The following DPF1 variants were observed in gnomAD, a reference collection of about 807,000 sequenced individuals.
The protein encoded by DPF1 is zinc finger protein neuro-d4.
A neutral mutation model predicts 58.7 loss-of-function variants in DPF1; 14 were observed. That is an observed-to-expected ratio of 0.24 (90% confidence interval 0.16 to 0.37). The LOEUF (loss-of-function observed/expected upper bound fraction) is 0.37. DPF1 is among the 10% of genes least tolerant of loss of function. The pLI is 1.00. For missense variants in DPF1, 345 were observed against 529.9 expected (o/e 0.65, Z 3.43); for synonymous variants, 216 against 216.0 (o/e 1.00, Z 0.00).
At chr19:38,215,054 T>C (rs111227517) in intron 9 of DPF1, among the ~76,000 whole-genome samples, 30,026 of 150,836 alleles carry the variant, frequency 0.2, 3,165 homozygotes, top group African/African-American at 0.27. Flanking sequence ...AGGATGGTCT[T>C]GATCTCTTGA....
At chr19:38,212,541 T>A in intron 10 of DPF1, 180 bp from the exon 11 acceptor site, 1 of 489,992 alleles carries the variant, frequency 2.0e-6, no homozygotes, top group Non-Finnish European at 3.6e-6. Context: ...CAAACACATA[T>A]CCCTCAGGAC....
At chr19:38,225,794 CAGG>C (rs1412163707), upstream of DPF1, among the ~76,000 whole-genome samples, 3 of 148,554 alleles carry the variant, frequency 2.0e-5, no homozygotes, top group Non-Finnish European at 4.4e-5. Context: ...GAGGCTGAGT[CAGG>C]AGGATTGGTT....
chr19:38,213,271 C>T (rs1434634172), intron 10 of DPF1, among the ~76,000 whole-genome samples: 1 of 152,100 alleles, frequency 6.6e-6, no homozygotes, highest in Non-Finnish European at 1.5e-5. Context: ...CACCGCGCTC[C>T]GCCTGTGGAA....
At position 38,222,774 on chromosome 19, in the gene DPF1, C is replaced by T. The variant is rs1022866623; in HGVS notation, c.30-66G>A. 2.8e-5 allele frequency: 40 copies of T among 1,442,860 alleles called. No individual in the cohort carries two copies. In the Admixed American group the frequency reaches 1.1e-3, roughly 38 times the overall value. The allele number at this position is 1,442,860 out of a possible 1,614,324, so 89.4% of individuals were successfully genotyped here. On this transcript the variant is annotated intron_variant, in intron 1 of 11. Coordinates refer to ENST00000355526, the MANE Select transcript of DPF1 (RefSeq NM_001135155.3). This position sits in a 1 kb window ranked among gnomAD's most constrained non-coding sequence, Gnocchi z 4.9. ...CAGGCGCACAGGGTCGCCCAGCACCCCTTCCCCGGCTGCCGGGCCGCCCAG... is the reference window on the plus strand; with the variant it reads ...CAGGCGCACAGGGTCGCCCAGCACCTCTTCCCCGGCTGCCGGGCCGCCCAG...
At chr19:38,228,320 C>A (rs1967910387), upstream of DPF1, among the ~76,000 whole-genome samples, 1 of 147,416 alleles carries the variant, frequency 6.8e-6, no homozygotes, top group African/African-American at 2.5e-5. Context: ...AAGCAACTGG[C>A]GGCCTCTGGT....
chr19:38,213,909 A>C, intron 9 of DPF1, 153 bp from the exon 10 acceptor site: 1 of 616,538 alleles, frequency 1.6e-6, no homozygotes, highest in Non-Finnish European at 2.8e-6. Flanking sequence ...CCTGCCCAGC[A>C]ACCACGTGGC....
Position 38,212,989 on chromosome 19 carries a change from G to T in DPF1, c.1012-628C>A, listed in dbSNP as rs1392188425. 5.5e-4 allele frequency among the ~76,000 whole-genome samples: 74 copies of T among 133,444 alleles called. No homozygotes were observed. In the South Asian group the frequency reaches 7.3e-3, roughly 13 times the overall value. The allele number at this position is 133,444 out of a possible 152,430, so 87.5% of individuals were successfully genotyped here. The stretch of plus-strand genomic sequence containing the variant: ...ACGGTCATGGCTTTTGTTTTTGTTT[G>T]TTTTTTTTTTTTTTGAGACGGAATC... On this transcript the variant is annotated intron_variant, in intron 10 of 11. Coordinates refer to ENST00000355526, the MANE Select transcript of DPF1 (RefSeq NM_001135155.3).
At chr19:38,212,237 T>TGGGGGGGGGGCCC in intron 11 of DPF1, 43 bp downstream of exon 11, 2 of 1,256,810 alleles carry the variant, frequency 1.6e-6, no homozygotes, top group Non-Finnish European at 2.2e-6. Context: ...GGAGATGGCG[T>TGGGGGGGGGGCCC]TCCCACCCAC....
At chr19:38,220,294 GAGAGAAAGAA>G (rs951030577) in intron 3 of DPF1, among the ~76,000 whole-genome samples, 1 of 146,762 alleles carries the variant, frequency 6.8e-6, no homozygotes, top group Non-Finnish European at 1.5e-5. Context: ...AAAAGAGAGA[GAGAGAAAGAA>G]AGAGAAAGAA....
Position 38,222,509 on chromosome 19 carries a change from T to C in DPF1, c.190+39A>G, listed in dbSNP as rs777485779. On this transcript the variant is annotated intron_variant, in intron 2 of 11. Coordinates refer to ENST00000355526, the MANE Select transcript of DPF1 (RefSeq NM_001135155.3). The surrounding 1 kb of genome is among the most constrained non-coding windows in gnomAD (Gnocchi z 4.9). ...AGAGGGCGGCGGCGGTGGGGCGGCC[T>C]GGCCCCGCCCCGCCCTGCGCCAGCC... 15 of 1,596,652 alleles carry C rather than the reference T, an allele frequency of 9.4e-6. No individual in the cohort carries two copies. The East Asian group carries it at 2.3e-4, about 24-fold the overall frequency.
At chr19:38,221,147 C>T (rs887685896) in intron 3 of DPF1, among the ~76,000 whole-genome samples, 4 of 152,178 alleles carry the variant, frequency 2.6e-5, no homozygotes, top group Non-Finnish European at 4.4e-5. Context: ...TGGGAAGATA[C>T]ACCTAAGAGA....
intron 3 of DPF1, chr19:38,219,378 A>C: frequency 8.7e-6 from 3 of 346,360 alleles, no homozygotes; most frequent in Non-Finnish European, 1.6e-5. Flanking sequence ...CCAGACAAAT[A>C]TGGACAGATC....
rs957314476 is a variant in DPF1 at position 38,224,047 on chromosome 19, CCACA to C, written c.29+63_29+66del. On this transcript the variant is annotated intron_variant, in intron 1 of 11. Transcript: ENST00000355526. This position sits in a 1 kb window ranked among gnomAD's most constrained non-coding sequence, Gnocchi z 4.5. ...ACCCCTTCGGCCCCACCCCCGGTCG[CCACA>C]CACACACAGGCCCGCGTAGACCCGC... is the stretch of plus-strand genomic sequence containing the variant. 2.8e-6 allele frequency: 4 copies of C among 1,446,538 alleles called. No homozygotes were observed. The highest frequency in any genetic ancestry group is 3.0e-5 in the African/African-American group (2 of 66,866). 89.6% of individuals were successfully genotyped at this position (1,446,538 alleles called of 1,614,324 possible). A position where few individuals can be genotyped will look rare whatever the true frequency, so the allele number is the denominator to read the frequency against.
In DPF1 at chr19:38,224,134, A is replaced by G; in HGVS notation, c.9T>C (p.Thr3=). 4 of 1,483,948 alleles carry G rather than the reference A, an allele frequency of 2.7e-6. No homozygotes were observed. Among genetic ancestry groups the G allele is most frequent in the Non-Finnish European group, 3.5e-6 (4 of 1,127,112 alleles). 91.9% of individuals were successfully genotyped at this position (1,483,948 alleles called of 1,614,324 possible). A position where few individuals can be genotyped will look rare whatever the true frequency, so the allele number is the denominator to read the frequency against. Reference sequence around the variant, plus strand: ...ACCACCTCAGGGGGCCAGGGATGACAGTGGCCATCTTGCTCCCCGGGTCCT... The same window carrying G: ...ACCACCTCAGGGGGCCAGGGATGACGGTGGCCATCTTGCTCCCCGGGTCCT... MA[T]VIPGPLSLGE... Residue 3 remains threonine, a synonymous_variant, in exon 1 of 12, where the codon ACT becomes ACC. Transcript: ENST00000355526. This position sits in a 1 kb window ranked among gnomAD's most constrained non-coding sequence, Gnocchi z 4.5.
intron 3 of DPF1, among the ~76,000 whole-genome samples, chr19:38,220,681 C>T (rs1245241982): frequency 6.6e-6 from 1 of 151,960 alleles, no homozygotes; most frequent in Non-Finnish European, 1.5e-5. Flanking sequence ...CCTCCAGATA[C>T]ACCTAGACCC....
intron 9 of DPF1, among the ~76,000 whole-genome samples, chr19:38,214,333 C>T (rs984268388): frequency 1.3e-5 from 2 of 152,220 alleles, no homozygotes; most frequent in Non-Finnish European, 2.9e-5. Flanking sequence ...GCAGAGACAC[C>T]CGCAGCCGCT....
chr19:38,228,268 T>C (rs1781362799), upstream of DPF1, among the ~76,000 whole-genome samples: 1 of 147,710 alleles, frequency 6.8e-6, no homozygotes, highest in Admixed American at 6.7e-5. Flanking sequence ...CTCTCCCAAC[T>C]CCCACCCTCC....
rs1967949767 is a variant in DPF1 at position 38,229,248 on chromosome 19, A to G, written c.-132+311T>C. The stretch of plus-strand genomic sequence containing the variant: ...CCGGCACCTCCGGAGACCCTGAGGG[A>G]GAGATGGAGGAGAGGGAAACCCCTA... On this transcript the variant is annotated intron_variant, in intron 1 of 11. Coordinates refer to the DPF1 transcript ENST00000412732. The surrounding 1 kb of genome is among the most constrained non-coding windows in gnomAD (Gnocchi z 5.3). Among the ~76,000 whole-genome samples the G allele has an allele frequency of 6.6e-6, 1 of 151,830 alleles. No individual in the cohort carries two copies. Among genetic ancestry groups the G allele is most frequent in the Admixed American group, 6.5e-5 (1 of 15,274 alleles).
chr19:38,220,349 C>A (rs1197900886), intron 3 of DPF1, among the ~76,000 whole-genome samples: 1 of 151,702 alleles, frequency 6.6e-6, no homozygotes, highest in East Asian at 1.9e-4. Context: ...AGGCCGGGTG[C>A]GGTGGCTCAC....
Sources: allele counts gnomAD v4.1 joint callset (sites outside exome capture counted in the v4.1 genomes callset), GRCh38; gene constraint gnomAD v4.1.1; non-coding constraint Gnocchi (gnomAD v3.1); transcripts MANE v1.5; gene names NCBI Gene and HGNC (gene_info 2026-07-23, HGNC 2026-07-21).